The following IL1RAPL2 variants were observed in gnomAD, a reference collection of about 807,000 sequenced individuals.
The protein encoded by IL1RAPL2 is interleukin 1 receptor accessory protein like 2.
In IL1RAPL2, 3 loss-of-function variants were observed where a neutral mutation model predicts 44.1. The observed-to-expected ratio is 0.07, with a 90% confidence interval of 0.03 to 0.18. The LOEUF is 0.18. Among genes scored for constraint, IL1RAPL2 ranks in the 10% least tolerant of loss-of-function variants. IL1RAPL2 has a pLI of 1.00. For missense variants in IL1RAPL2, 391 were observed against 496.4 expected, an observed-to-expected ratio of 0.79 and a Z score of 2.02; for synonymous variants, 181 against 178.8, an observed-to-expected ratio of 1.01 and a Z score of -0.10.
intron 2 of IL1RAPL2, among the ~76,000 whole-genome samples, chrX:104,736,889 T>C (rs1004500383): frequency 8.9e-6 from 1 of 112,098 alleles, no homozygotes; most frequent in Non-Finnish European, 1.9e-5. Context: ...TGAATGGTGA[T>C]CATTGATGGA....
At chrX:104,670,730 G>A (rs1930580548) in intron 2 of IL1RAPL2, among the ~76,000 whole-genome samples, 1 of 111,426 alleles carries the variant, frequency 9.0e-6, no homozygotes. Context: ...CTAATAGGTA[G>A]TCACCCCACA....
chrX:105,011,942 T>C (rs1487940794), intron 2 of IL1RAPL2, among the ~76,000 whole-genome samples: 1 of 111,183 alleles, frequency 9.0e-6, no homozygotes, highest in Non-Finnish European at 1.9e-5. Flanking sequence ...TAACTTCAGA[T>C]GCCCCTTAAA....
At chrX:104,817,670 A>G (rs1022142111) in intron 2 of IL1RAPL2, among the ~76,000 whole-genome samples, 5 of 111,859 alleles carry the variant, frequency 4.5e-5, no homozygotes, top group Admixed American at 9.5e-5. Flanking sequence ...CAGGCAAGTT[A>G]CTTTACCTTC....
intron 2 of IL1RAPL2, among the ~76,000 whole-genome samples, chrX:104,842,367 C>T (rs1371811964): frequency 9.0e-6 from 1 of 110,599 alleles, no homozygotes; most frequent in East Asian, 2.9e-4. Flanking sequence ...TTATTATTAC[C>T]CACCATCTGA....
chrX:104,580,898 C>A (rs1315283842), intron 1 of IL1RAPL2, among the ~76,000 whole-genome samples: 1 of 112,144 alleles, frequency 8.9e-6, no homozygotes, highest in Non-Finnish European at 1.9e-5. Flanking sequence ...TGGCACCTGC[C>A]AAGTGAGATG....
chrX:105,041,614 C>G (rs7062203), intron 2 of IL1RAPL2, among the ~76,000 whole-genome samples: 3,859 of 109,489 alleles, frequency 0.035, 213 homozygotes, highest in African/African-American at 0.12. Context: ...ATGCTCATGG[C>G]TAGGAAGAAT....
At chrX:105,279,430 C>G (rs2034512091) in intron 5 of IL1RAPL2, among the ~76,000 whole-genome samples, 1 of 111,759 alleles carries the variant, frequency 8.9e-6, no homozygotes, top group Non-Finnish European at 1.9e-5. Context: ...CTGCTGCACA[C>G]ATTACTATGA....
rs187030944 is a variant in IL1RAPL2, at chrX:105,628,608, A to T, written c.773-88759A>T. On this transcript the variant is annotated intron_variant, in intron 6 of 10. Coordinates refer to ENST00000372582, the MANE Select transcript of IL1RAPL2 (RefSeq NM_017416.2). Reference sequence around the variant, plus strand: ...TTATAAATTAGAAAGATTGAAATGAATGTGGAAATGGAAGCACACTGGCTT... The same window carrying T: ...TTATAAATTAGAAAGATTGAAATGATTGTGGAAATGGAAGCACACTGGCTT... 1.2e-4 allele frequency among the ~76,000 whole-genome samples: 13 copies of T among 112,430 alleles called. No homozygotes were observed. In the East Asian group the frequency reaches 3.7e-3, roughly 32 times the overall value.
intron 6 of IL1RAPL2, among the ~76,000 whole-genome samples, chrX:105,541,114 T>TTA (rs1376808275): frequency 9.3e-6 from 1 of 107,314 alleles, no homozygotes; most frequent in Non-Finnish European, 1.9e-5. Context: ...TATACCTAGT[T>TTA]TACCCAAAGA....
chrX:105,268,331 G>C (rs2034419986), intron 5 of IL1RAPL2, among the ~76,000 whole-genome samples: 1 of 111,623 alleles, frequency 9.0e-6, no homozygotes, highest in Non-Finnish European at 1.9e-5. Flanking sequence ...AGTTGAATGT[G>C]TTGCAAAAGA....
At chrX:104,849,355 A>T (rs1217232108) in intron 2 of IL1RAPL2, among the ~76,000 whole-genome samples, 3 of 68,699 alleles carry the variant, frequency 4.4e-5, no homozygotes, top group Admixed American at 1.5e-4. Flanking sequence ...TGAACTATAT[A>T]ATATATATAT....
chrX:105,607,009 C>T (rs2037297795), intron 6 of IL1RAPL2, among the ~76,000 whole-genome samples: 1 of 110,883 alleles, frequency 9.0e-6, no homozygotes, highest in South Asian at 3.8e-4. Context: ...TGTATTTACT[C>T]CATATTTTGA....
At chrX:105,556,771 T>C (rs1236538276) in intron 6 of IL1RAPL2, among the ~76,000 whole-genome samples, 1 of 112,160 alleles carries the variant, frequency 8.9e-6, no homozygotes, top group Non-Finnish European at 1.9e-5. Context: ...GCTCACCACA[T>C]TTTATTAATG....
At chrX:105,454,426 C>T (rs1416945654) in intron 5 of IL1RAPL2, among the ~76,000 whole-genome samples, 1 of 111,220 alleles carries the variant, frequency 9.0e-6, no homozygotes, top group Non-Finnish European at 1.9e-5. Context: ...TCCACCATGC[C>T]AACACAAAAG....
intron 2 of IL1RAPL2, among the ~76,000 whole-genome samples, chrX:104,881,783 A>G (rs905434860): frequency 9.0e-6 from 1 of 111,685 alleles, no homozygotes; most frequent in Non-Finnish European, 1.9e-5. Context: ...CCATGTGAGG[A>G]TATTGGAATG....
intron 2 of IL1RAPL2, among the ~76,000 whole-genome samples, chrX:104,741,818 T>G (rs908859281): frequency 9.0e-6 from 1 of 111,119 alleles, no homozygotes; most frequent in Non-Finnish European, 1.9e-5. Context: ...GCATCAATTT[T>G]GACATTCAGT....
chrX:104,999,376 T>G (rs1287782604), intron 2 of IL1RAPL2, among the ~76,000 whole-genome samples: 2 of 111,094 alleles, frequency 1.8e-5, no homozygotes, highest in African/African-American at 6.5e-5. Context: ...GTGTGAAATA[T>G]TTTTTAAAAG....
chrX:105,716,863 A>G (rs1350612561), intron 6 of IL1RAPL2, among the ~76,000 whole-genome samples: 1 of 112,279 alleles, frequency 8.9e-6, no homozygotes, highest in Non-Finnish European at 1.9e-5. Flanking sequence ...AGTGCTTAAT[A>G]TTCTCAAAAA....
chrX:105,262,476 T>C (rs996936263), intron 4 of IL1RAPL2, among the ~76,000 whole-genome samples: 6 of 111,995 alleles, frequency 5.4e-5, no homozygotes, highest in African/African-American at 1.9e-4. Flanking sequence ...AGTTTTAGCA[T>C]GTGATGCCCT....
Sources: gnomAD v4.1 joint callset for allele counts (sites outside exome capture counted in the v4.1 genomes callset) on GRCh38, gnomAD v4.1.1 for gene constraint, MANE v1.5 for transcripts, NCBI Gene and HGNC (gene_info 2026-07-23, HGNC 2026-07-21) for gene names.